The following TINAG variants were observed in gnomAD, a reference collection of about 807,000 sequenced individuals.
The protein encoded by TINAG is tubulointerstitial nephritis antigen.
TINAG carries 83 observed loss-of-function variants against 72.7 expected under a neutral mutation model. The ratio of observed to expected loss-of-function variants is 1.14; its 90% CI spans 0.96 to 1.37. The LOEUF is 1.37. TINAG is among the 40% of genes most tolerant of loss of function. The pLI, the probability that TINAG is intolerant of heterozygous loss-of-function variation, is 0.00. For synonymous variants in TINAG, 234 were observed against 189.9 expected (o/e 1.23, Z -1.91); for missense variants, 685 against 576.6 (o/e 1.19, Z -1.93).
intron 9 of TINAG, among the ~76,000 whole-genome samples, chr6:54,378,691 C>G (rs574085979): frequency 6.6e-6 from 1 of 152,220 alleles, no homozygotes; most frequent in South Asian, 2.1e-4. Context: ...AAGGTATACA[C>G]CACATTCTGA....
chr6:54,367,132 G>A (rs1015704092), intron 9 of TINAG: 1 of 151,672 alleles, frequency 6.6e-6, no homozygotes, highest in Non-Finnish European at 1.5e-5. Context: ...ATTCTAAGAC[G>A]TGTTCATGTG....
intron 3 of TINAG, among the ~76,000 whole-genome samples, chr6:54,324,334 G>C (rs986593944): frequency 6.6e-6 from 1 of 152,098 alleles, no homozygotes; most frequent in African/African-American, 2.4e-5. Flanking sequence ...TCTTGTGGTT[G>C]GTGCAGGATG....
chr6:54,366,192 G>T (rs1035829232), intron 9 of TINAG, among the ~76,000 whole-genome samples: 6 of 151,194 alleles, frequency 4.0e-5, no homozygotes, highest in Non-Finnish European at 8.9e-5. Flanking sequence ...AACTCTTCAG[G>T]TTATCTGACT....
chr6:54,348,651 T>C (rs1785185349), intron 6 of TINAG, among the ~76,000 whole-genome samples: 1 of 152,072 alleles, frequency 6.6e-6, no homozygotes, highest in Non-Finnish European at 1.5e-5. Context: ...GTATCTATTA[T>C]GGCCCTAACC....
chr6:54,330,907 A>G (rs770009102), intron 4 of TINAG, among the ~76,000 whole-genome samples: 5 of 152,202 alleles, frequency 3.3e-5, no homozygotes, highest in Non-Finnish European at 5.9e-5. Flanking sequence ...CTAAACCAGG[A>G]AGAATTTGAA....
At chr6:54,374,576 G>T (rs1007853743) in intron 9 of TINAG, among the ~76,000 whole-genome samples, 1 of 152,040 alleles carries the variant, frequency 6.6e-6, no homozygotes, top group African/African-American at 2.4e-5. Flanking sequence ...ACATGTATAA[G>T]AAAATAAAAG....
chr6:54,327,358 C>A, intron 4 of TINAG: 1 of 485,424 alleles, frequency 2.1e-6, no homozygotes. Context: ...AGGCTGGGAA[C>A]TCCCTCCCTT....
rs3736354 is a variant in TINAG at position 54,389,776 on chromosome 6, T to C, written c.1297-15T>C. ...GTATGTTTCTCAACTTTTTTGTTTG[T>C]TTGTTTTTCTGCAGATTGCTGCCAA... On this transcript the variant is annotated splice_polypyrimidine_tract_variant and intron_variant, in intron 10 of 10. Transcript: ENST00000259782. 5.1e-4 allele frequency: 807 copies of C among 1,568,070 alleles called. 1 individual carries two copies. The highest frequency in any genetic ancestry group is 1.3e-3 in the Admixed American group (61 of 46,798).
chr6:54,353,274 C>T (rs1367352775), intron 8 of TINAG, among the ~76,000 whole-genome samples: 1 of 151,678 alleles, frequency 6.6e-6, no homozygotes, highest in Non-Finnish European at 1.5e-5. Flanking sequence ...GTCAATGGTT[C>T]TACAGAAAAG....
intron 4 of TINAG, among the ~76,000 whole-genome samples, chr6:54,329,957 AC>A (rs1193858736): frequency 6.6e-6 from 1 of 152,192 alleles, no homozygotes; most frequent in African/African-American, 2.4e-5. Context: ...ATACAGGAGC[AC>A]CCAGATTCAT....
intron 10 of TINAG, among the ~76,000 whole-genome samples, chr6:54,382,915 C>T (rs1582764293): frequency 6.6e-6 from 1 of 152,222 alleles, no homozygotes; most frequent in East Asian, 1.9e-4. Flanking sequence ...TATCTTCTCA[C>T]CATAAACATT....
At chr6:54,361,895 C>A (rs913498932) in intron 9 of TINAG, among the ~76,000 whole-genome samples, 2 of 151,656 alleles carry the variant, frequency 1.3e-5, no homozygotes, top group African/African-American at 4.8e-5. Flanking sequence ...AAACAAGCCA[C>A]AACATGTCCT....
chr6:54,342,609 C>T (rs973089430), intron 4 of TINAG, among the ~76,000 whole-genome samples: 26 of 152,172 alleles, frequency 1.7e-4, no homozygotes, highest in Non-Finnish European at 4.4e-5. Flanking sequence ...ACCTTGTGAT[C>T]CACCCGCCTC....
rs759592699 is a variant in TINAG at position 54,347,496 on chromosome 6, G to A, written c.878G>A (p.Trp293Ter). 4 of 1,612,696 alleles carry A rather than the reference G, an allele frequency of 2.5e-6. No homozygotes were observed. The highest frequency in any genetic ancestry group is 3.4e-6 in the Non-Finnish European group (4 of 1,179,290). ...GCNSGSIDRA[W>*]WYLRKRGLVS... Reference sequence around the variant, plus strand: ...AATAGTGGAAGCATCGATAGGGCTTGGTGGTACCTGAGAAAACGTGGGTAA... The same window carrying A: ...AATAGTGGAAGCATCGATAGGGCTTAGTGGTACCTGAGAAAACGTGGGTAA... The change falls in exon 6 of 11, where the codon TGG (tryptophan) becomes TAG (stop). Residue 293 changes from tryptophan to a stop codon, truncating the protein, a stop_gained. Coordinates refer to ENST00000259782, the MANE Select transcript of TINAG (RefSeq NM_014464.4). LOFTEE classifies it high-confidence loss of function.
chr6:54,317,702 C>T (rs991743975), intron 1 of TINAG, among the ~76,000 whole-genome samples: 2 of 152,120 alleles, frequency 1.3e-5, no homozygotes, highest in African/African-American at 2.4e-5. Context: ...CCTTTCCCAA[C>T]TTTATAAAAT....
At chr6:54,368,202 T>A (rs1763492755) in intron 9 of TINAG, among the ~76,000 whole-genome samples, 1 of 148,746 alleles carries the variant, frequency 6.7e-6, no homozygotes, top group South Asian at 2.1e-4. Context: ...TTTTAAAAGT[T>A]ATATATTATA....
Position 54,327,167 on chromosome 6 carries a change from G to A in TINAG, c.624+251G>A, listed in dbSNP as rs144313931. 2,173 of 1,547,126 alleles carry A rather than the reference G, an allele frequency of 1.4e-3. 26 individuals are homozygous for A. The African/African-American group carries it at 0.025, about 18-fold the overall frequency. On this transcript the variant is annotated intron_variant, in intron 4 of 10. Transcript: ENST00000259782. ...AATGATTGAATGGGCTGGCAAGATGGCCGATCAAGAACAGCTCTGGTTGGC... is the reference window on the plus strand; with the variant it reads ...AATGATTGAATGGGCTGGCAAGATGACCGATCAAGAACAGCTCTGGTTGGC...
intron 9 of TINAG, among the ~76,000 whole-genome samples, chr6:54,361,677 A>G (rs1453211763): frequency 6.6e-6 from 1 of 151,696 alleles, no homozygotes; most frequent in Non-Finnish European, 1.5e-5. Context: ...AAAGCTAGAA[A>G]TGATTAAGCT....
intron 10 of TINAG, among the ~76,000 whole-genome samples, chr6:54,385,622 C>A (rs1212257910): frequency 6.6e-6 from 1 of 151,956 alleles, no homozygotes; most frequent in African/African-American, 2.4e-5. Flanking sequence ...AAATAAGGAA[C>A]AGTTACTTCC....
Sources: gnomAD v4.1 joint callset for allele counts (sites outside exome capture counted in the v4.1 genomes callset) on GRCh38, gnomAD v4.1.1 for gene constraint, MANE v1.5 for transcripts, NCBI Gene and HGNC (gene_info 2026-07-23, HGNC 2026-07-21) for gene names.